SGCD: variants seen among roughly 807,000 people sequenced by gnomAD.
SGCD encodes the protein sarcoglycan delta.
SGCD carries 18 observed loss-of-function variants against 36.6 expected under a neutral mutation model. The observed-to-expected ratio is 0.49, with a 90% CI of 0.34 to 0.73. SGCD has a LOEUF of 0.73. SGCD is among the 30% of genes least tolerant of loss of function. The pLI is 0.01. For missense variants in SGCD, 387 were observed against 346.7 expected (o/e 1.12, Z -0.92); for synonymous variants, 133 against 130.6 (o/e 1.02, Z -0.12).
intron 3 of SGCD, among the ~76,000 whole-genome samples, chr5:156,208,429 A>G (rs972175579): frequency 2.6e-5 from 4 of 152,232 alleles, no homozygotes; most frequent in African/African-American, 9.6e-5. Flanking sequence ...GCCAGGAACT[A>G]GCATTCTGAC....
At chr5:155,821,677 T>C in the SGCD span, among the ~76,000 whole-genome samples, 2 of 152,190 alleles carry the variant, frequency 1.3e-5, no homozygotes, top group Non-Finnish European at 2.9e-5. Flanking sequence ...AGTGCTTTAA[T>C]AGAGTGCAAT....
chr5:156,505,007 A>G (rs1756632579), intron 3 of SGCD, among the ~76,000 whole-genome samples: 1 of 152,246 alleles, frequency 6.6e-6, no homozygotes, highest in Non-Finnish European at 1.5e-5. Context: ...ATGCAGACAG[A>G]TGAAGCAGCG....
At position 156,757,575 on chromosome 5, in the gene SGCD, T is replaced by C. The variant is rs1345039978; in HGVS notation, c.576-6T>C. ...ATCTTTATTGACGATCTTGGGTGTT[T>C]TTCAGGTTGGAGTCCCCAACCCGGT... On this transcript the variant is annotated splice_region_variant and splice_polypyrimidine_tract_variant and intron_variant, in intron 7 of 8. Transcript: ENST00000337851. 5 of 1,580,272 alleles carry C rather than the reference T, an allele frequency of 3.2e-6. No individual in the cohort carries two copies. Among genetic ancestry groups the C allele is most frequent in the Non-Finnish European group, 4.3e-6 (5 of 1,156,844 alleles).
chr5:155,860,664 G>A, the SGCD span, among the ~76,000 whole-genome samples: 2 of 152,244 alleles, frequency 1.3e-5, no homozygotes, highest in Middle Eastern at 3.4e-3. Context: ...CAGGTACCTT[G>A]CAAAGTATTC....
At chr5:156,719,374 A>C (rs1013262364) in intron 7 of SGCD, among the ~76,000 whole-genome samples, 1 of 146,836 alleles carries the variant, frequency 6.8e-6, no homozygotes, top group East Asian at 1.9e-4. Context: ...CTCATCATAT[A>C]TTATAGATAT....
intron 3 of SGCD, among the ~76,000 whole-genome samples, chr5:156,144,978 A>G (rs961504767): frequency 1.3e-5 from 2 of 152,194 alleles, no homozygotes; most frequent in Non-Finnish European, 2.9e-5. Context: ...GGAGGGCATG[A>G]TTGTATTTTG....
the SGCD span, among the ~76,000 whole-genome samples, chr5:155,846,263 A>C: frequency 5.3e-5 from 8 of 152,356 alleles, no homozygotes; most frequent in African/African-American, 9.6e-5. Context: ...TTAAGTTAGC[A>C]TACAAATTAC....
At chr5:156,392,966 G>A (rs1156974564) in intron 3 of SGCD, among the ~76,000 whole-genome samples, 16 of 152,218 alleles carry the variant, frequency 1.1e-4, no homozygotes, top group African/African-American at 2.6e-4. Context: ...GGATGGGGGC[G>A]TGGCGGGGAA....
intron 3 of SGCD, among the ~76,000 whole-genome samples, chr5:156,470,047 T>C (rs1462847849): frequency 6.6e-6 from 1 of 152,208 alleles, no homozygotes; most frequent in Non-Finnish European, 1.5e-5. Context: ...ATGTATACAT[T>C]ATATTCAATG....
chr5:156,301,520 T>C (rs893495974), intron 3 of SGCD, among the ~76,000 whole-genome samples: 1 of 152,142 alleles, frequency 6.6e-6, no homozygotes, highest in African/African-American at 2.4e-5. Flanking sequence ...GTCTTTTCAC[T>C]CAAGATTTGA....
intron 3 of SGCD, among the ~76,000 whole-genome samples, chr5:156,371,057 G>C (rs1384283568): frequency 6.6e-6 from 1 of 152,016 alleles, no homozygotes; most frequent in Non-Finnish European, 1.5e-5. Flanking sequence ...CTCTACCCTA[G>C]TCCCTGTGCA....
intron 3 of SGCD, among the ~76,000 whole-genome samples, chr5:156,261,806 G>A (rs1387767892): frequency 2.0e-5 from 3 of 152,110 alleles, no homozygotes; most frequent in Admixed American, 6.6e-5. Context: ...TCCTGACCCT[G>A]TGTAGCCCCT....
At chr5:156,197,532 AG>A (rs1403051736) in intron 3 of SGCD, among the ~76,000 whole-genome samples, 1 of 147,948 alleles carries the variant, frequency 6.8e-6, no homozygotes, top group African/African-American at 2.5e-5. Context: ...TAGGGTTGAA[AG>A]AGAGCCAGAG....
At chr5:156,187,618 G>A (rs1196973127) in intron 3 of SGCD, among the ~76,000 whole-genome samples, 1 of 152,106 alleles carries the variant, frequency 6.6e-6, no homozygotes, top group Non-Finnish European at 1.5e-5. Flanking sequence ...GATGTATGAG[G>A]ATTAGGTGTG....
intron 7 of SGCD, among the ~76,000 whole-genome samples, chr5:156,651,716 G>A (rs1763469876): frequency 6.6e-6 from 1 of 152,086 alleles, no homozygotes; most frequent in Admixed American, 6.6e-5. Flanking sequence ...AGTACACTTT[G>A]AAGCTGAGTA....
intron 3 of SGCD, among the ~76,000 whole-genome samples, chr5:156,211,562 C>G (rs914296233): frequency 6.7e-6 from 1 of 148,524 alleles, no homozygotes. Flanking sequence ...GAGCCGAGAT[C>G]GTGCCACTGC....
chr5:156,003,237 TC>T (rs1373463726), intron 1 of SGCD, among the ~76,000 whole-genome samples: 2 of 152,222 alleles, frequency 1.3e-5, no homozygotes, highest in Non-Finnish European at 2.9e-5. Flanking sequence ...CTTTCTGCCT[TC>T]CCCATTAACC....
intron 7 of SGCD, among the ~76,000 whole-genome samples, chr5:156,733,133 T>C (rs1482340623): frequency 6.6e-6 from 1 of 152,150 alleles, no homozygotes; most frequent in Non-Finnish European, 1.5e-5. Context: ...GGTTCTCTAC[T>C]TCTTTTTGGT....
chr5:156,563,460 G>A (rs970372990), intron 4 of SGCD, among the ~76,000 whole-genome samples: 12 of 152,140 alleles, frequency 7.9e-5, no homozygotes, highest in Non-Finnish European at 1.8e-4. Context: ...AGATCCTATG[G>A]GTCTGACGCT....
Sources: allele counts gnomAD v4.1 joint callset (sites outside exome capture counted in the v4.1 genomes callset), GRCh38; gene constraint gnomAD v4.1.1; transcripts MANE v1.5; gene names NCBI Gene and HGNC (gene_info 2026-07-23, HGNC 2026-07-21).